DRC5: variants seen among roughly 807,000 people sequenced by gnomAD.
The protein encoded by DRC5 is dynein regulatory complex subunit 5, also known as T-complex-associated testis-expressed protein 1.
chr6:44,294,855 T>C, the DRC5 span, among the ~76,000 whole-genome samples: 1 of 107,908 alleles, frequency 9.3e-6, no homozygotes, highest in African/African-American at 3.6e-5. Context: ...AGGTGGGGAG[T>C]GGGTAAAGGA....
chr6:44,279,515 G>A, the DRC5 span: 1 of 152,154 alleles, frequency 6.6e-6, no homozygotes, highest in Non-Finnish European at 1.5e-5. Context: ...GGCAGGGATT[G>A]TGTCATCCTT....
chr6:44,296,695 C>T, the DRC5 span, among the ~76,000 whole-genome samples: 1 of 148,358 alleles, frequency 6.7e-6, no homozygotes, highest in African/African-American at 2.5e-5. Context: ...GCCTCTGTGC[C>T]CGGGACACTT....
At chr6:44,289,076 T>C in the DRC5 span, among the ~76,000 whole-genome samples, 1 of 122,298 alleles carries the variant, frequency 8.2e-6, no homozygotes, top group Non-Finnish European at 1.6e-5. Context: ...TTGCTCTTGT[T>C]GCCCAGGCTG....
chr6:44,296,140 G>A, the DRC5 span, among the ~76,000 whole-genome samples: 845 of 152,216 alleles, frequency 5.6e-3, 12 homozygotes, highest in African/African-American at 0.019. Flanking sequence ...AGAAGCTGAG[G>A]TTTTAGTTTG....
At chr6:44,287,878 G>A in the DRC5 span, 256 of 1,572,924 alleles carry the variant, frequency 1.6e-4, no homozygotes, top group Non-Finnish European at 1.6e-4. Flanking sequence ...CTTATGACAA[G>A]AAGCTTCTCA....
the DRC5 span, among the ~76,000 whole-genome samples, chr6:44,291,421 C>A: frequency 8.5e-4 from 129 of 152,294 alleles, no homozygotes; most frequent in African/African-American, 3.1e-3. Flanking sequence ...GGATAACGAG[C>A]AAAACTAACT....
chr6:44,289,030 A>AAAG, the DRC5 span, among the ~76,000 whole-genome samples: 3 of 127,200 alleles, frequency 2.4e-5, no homozygotes, highest in Non-Finnish European at 4.8e-5. Context: ...AAAGAAAAAC[A>AAAG]GGTGAAATTA....
the DRC5 span, among the ~76,000 whole-genome samples, chr6:44,285,773 G>C: frequency 1.3e-5 from 2 of 152,162 alleles, no homozygotes; most frequent in Non-Finnish European, 2.9e-5. Context: ...CTGGTGAACT[G>C]GGAGAGCAGC....
the DRC5 span, among the ~76,000 whole-genome samples, chr6:44,295,233 G>T: frequency 2.0e-5 from 3 of 152,196 alleles, no homozygotes; most frequent in Non-Finnish European, 4.4e-5. Flanking sequence ...CACCAGGAGT[G>T]GGTACGTCTT....
the DRC5 span, among the ~76,000 whole-genome samples, chr6:44,283,943 T>C: frequency 1.3e-5 from 2 of 152,334 alleles, no homozygotes; most frequent in East Asian, 3.9e-4. Flanking sequence ...AAGCACTGAC[T>C]TATTGGTCTA....
chr6:44,291,894 CTCTT>C, the DRC5 span, among the ~76,000 whole-genome samples: 3 of 152,172 alleles, frequency 2.0e-5, no homozygotes, highest in African/African-American at 7.2e-5. Flanking sequence ...TCACCTCTCT[CTCTT>C]TCAGCCCTCC....
chr6:44,286,321 C>T, the DRC5 span: 1 of 1,613,616 alleles, frequency 6.2e-7, no homozygotes, highest in South Asian at 1.1e-5. Flanking sequence ...AGTGCTTTAG[C>T]AGGTTCTCCA....
At chr6:44,281,795 A>C in the DRC5 span, among the ~76,000 whole-genome samples, 1 of 152,362 alleles carries the variant, frequency 6.6e-6, no homozygotes, top group South Asian at 2.1e-4. Flanking sequence ...TAGCCTTGCC[A>C]CTTGCTACTG....
the DRC5 span, among the ~76,000 whole-genome samples, chr6:44,289,627 A>G: frequency 6.6e-6 from 1 of 151,760 alleles, no homozygotes; most frequent in Non-Finnish European, 1.5e-5. Flanking sequence ...CTTCCCTTCC[A>G]TCTCCCCATC....
chr6:44,287,487 C>T, the DRC5 span: 2 of 1,526,654 alleles, frequency 1.3e-6, no homozygotes, highest in Admixed American at 1.8e-5. Flanking sequence ...TCCGGACAGT[C>T]CCCACCCACC....
chr6:44,287,946 G>A, the DRC5 span: 7 of 1,326,186 alleles, frequency 5.3e-6, no homozygotes, highest in Non-Finnish European at 7.1e-6. Context: ...GGGTAGAGGT[G>A]TTACTTTGGT....
At chr6:44,289,226 G>A in the DRC5 span, among the ~76,000 whole-genome samples, 18 of 151,256 alleles carry the variant, frequency 1.2e-4, no homozygotes, top group African/African-American at 3.4e-4. Flanking sequence ...TAGTAGAGAC[G>A]GGGTTTCACC....
At chr6:44,286,249 G>A in the DRC5 span, 4 of 1,612,592 alleles carry the variant, frequency 2.5e-6, no homozygotes, top group East Asian at 2.2e-5. Context: ...CCCTGCGCAC[G>A]TAATTCCGGC....
chr6:44,289,001 A>AAAAAAAAAAAG, the DRC5 span, among the ~76,000 whole-genome samples: 1 of 124,978 alleles, frequency 8.0e-6, no homozygotes, highest in Non-Finnish European at 1.7e-5. Flanking sequence ...CTCAAAAAAA[A>AAAAAAAAAAAG]AAAAAAAAAA....
Sources: gnomAD v4.1 joint callset for allele counts (sites outside exome capture counted in the v4.1 genomes callset) on GRCh38, gnomAD v4.1.1 for gene constraint, MANE v1.5 for transcripts, NCBI Gene and HGNC (gene_info 2026-07-23, HGNC 2026-07-21) for gene names.